The following RLF variants were observed in gnomAD, a reference collection of about 807,000 sequenced individuals.
RLF encodes zinc finger protein Rlf.
In RLF, 7 loss-of-function variants were observed where a neutral mutation model predicts 162.9. The observed-to-expected ratio is 0.04, with a 90% CI of 0.02 to 0.08. RLF has a LOEUF of 0.08. Ranked by LOEUF, RLF falls within the 10% of genes least tolerant of loss-of-function variation. RLF has a pLI of 1.00. For missense variants in RLF, 1,664 were observed against 2,244.7 expected (o/e 0.74, Z 5.23); for synonymous variants, 782 against 791.5 (o/e 0.99, Z 0.20).
intron 3 of RLF, among the ~76,000 whole-genome samples, chr1:40,193,921 C>T (rs747441106): frequency 6.6e-6 from 1 of 151,706 alleles, no homozygotes; most frequent in East Asian, 1.9e-4. Context: ...GAAATGTTGA[C>T]GTAAATGGAA....
intron 5 of RLF, among the ~76,000 whole-genome samples, chr1:40,215,013 A>G (rs942383121): frequency 4.6e-5 from 7 of 151,934 alleles, no homozygotes; most frequent in Non-Finnish European, 7.4e-5. Context: ...TAAAAAACCA[A>G]AATGAAATTC....
intron 6 of RLF, among the ~76,000 whole-genome samples, chr1:40,225,572 C>CT (rs1643058599): frequency 9.9e-6 from 1 of 101,182 alleles, no homozygotes; most frequent in Admixed American, 1.1e-4. Context: ...GAGCAAGACT[C>CT]TGTCTCAAAA....
At chr1:40,210,747 C>T (rs1052543457) in intron 5 of RLF, among the ~76,000 whole-genome samples, 1 of 152,148 alleles carries the variant, frequency 6.6e-6, no homozygotes. Flanking sequence ...ACAGAGATAC[C>T]TTCAAGAGGC....
intron 5 of RLF, among the ~76,000 whole-genome samples, chr1:40,208,145 AG>A (rs1642820722): frequency 6.6e-6 from 1 of 152,240 alleles, no homozygotes. Context: ...TGAATCTGAG[AG>A]GATTGTCTAG....
At chr1:40,225,082 G>A (rs116482880) in intron 6 of RLF, among the ~76,000 whole-genome samples, 1,670 of 152,198 alleles carry the variant, frequency 0.011, 17 homozygotes, top group Admixed American at 0.017. Context: ...TGGGACATAA[G>A]GAGTATTTGT....
chr1:40,189,709 C>T (rs950693758), intron 2 of RLF, among the ~76,000 whole-genome samples: 1 of 151,800 alleles, frequency 6.6e-6, no homozygotes, highest in Admixed American at 6.6e-5. Flanking sequence ...GGCTGAGGCA[C>T]GAGAATCGCT....
intron 1 of RLF, among the ~76,000 whole-genome samples, chr1:40,172,038 G>A (rs572893258): frequency 1.2e-4 from 19 of 152,084 alleles, no homozygotes; most frequent in South Asian, 6.2e-4. Flanking sequence ...TTTTCACGTA[G>A]AATATGTGTA....
At chr1:40,232,081 G>T (rs1443388797) in intron 7 of RLF, among the ~76,000 whole-genome samples, 3 of 152,066 alleles carry the variant, frequency 2.0e-5, no homozygotes, top group African/African-American at 7.2e-5. Context: ...GGTGGCGGGC[G>T]CCTGTAATCC....
In RLF at chr1:40,236,068, T is replaced by C; in HGVS notation, c.1366T>C (p.Leu456=). ...PVPNSLRCEL[L]LALKAHWPFD... ...TCCAAATTCTCTTCGATGTGAGCTCTTACTAGCTTTAAAAGCCCACTGGCC... is the reference window on the plus strand; with the variant it reads ...TCCAAATTCTCTTCGATGTGAGCTCCTACTAGCTTTAAAAGCCCACTGGCC... Residue 456 remains leucine, a synonymous_variant, in exon 8 of 8, where the codon TTA becomes CTA. Coordinates refer to ENST00000372771, the MANE Select transcript of RLF (RefSeq NM_012421.4). The surrounding 1 kb of genome is among the most constrained non-coding windows in gnomAD (Gnocchi z 7.7). 6.2e-7 allele frequency: 1 copy of C among 1,614,048 alleles called. No homozygotes were observed. The highest frequency in any genetic ancestry group is 8.5e-7 in the Non-Finnish European group (1 of 1,179,942).
At position 40,218,859 on chromosome 1, in the gene RLF, T is replaced by TA. The variant is rs552214426; in HGVS notation, c.811-3714dup. On this transcript the variant is annotated intron_variant, in intron 5 of 7. Transcript: ENST00000372771. ...AACAGACTTTTGCCCTCAGGGAACT[T>TA]ACATTTTAGTGGTAAAATAGTAAAC... Among the ~76,000 whole-genome samples the TA allele has an allele frequency of 3.3e-3, 505 of 152,362 alleles. 7 individuals are homozygous for TA. The highest frequency in any genetic ancestry group is 0.024 in the South Asian group (117 of 4,828).
At chr1:40,213,768 A>G (rs1219060102) in intron 5 of RLF, among the ~76,000 whole-genome samples, 2 of 152,262 alleles carry the variant, frequency 1.3e-5, no homozygotes, top group African/African-American at 2.4e-5. Flanking sequence ...AATTGTTTTC[A>G]GTATACCTCA....
chr1:40,178,215 T>C (rs955331329), intron 1 of RLF, among the ~76,000 whole-genome samples: 1 of 152,190 alleles, frequency 6.6e-6, no homozygotes, highest in East Asian at 1.9e-4. Context: ...TTGCACCTTA[T>C]TGAAAATTAG....
chr1:40,236,159 A>T lies in RLF; in HGVS notation c.1457A>T (p.Glu486Val). Residue 486 changes from glutamate (E) to valine (V), a missense_variant, in exon 8 of 8, where the codon GAA becomes GTA. By Grantham distance (121) the Glu-to-Val change is moderately radical. Transcript: ENST00000372771. The surrounding 1 kb of genome is among the most constrained non-coding windows in gnomAD (Gnocchi z 7.7). ...CACTGCCACCAACTTTTAGGACAAG[A>T]AGCCTCAGATTCTGATGATGATTTA... ...KRHCHQLLGQ[E>V]ASDSDDDLSG... 1 of 1,613,870 alleles carries T rather than the reference A, an allele frequency of 6.2e-7. No individual in the cohort carries two copies. The highest frequency in any genetic ancestry group is 1.1e-5 in the South Asian group (1 of 90,960).
intron 1 of RLF, among the ~76,000 whole-genome samples, chr1:40,181,486 A>T (rs1484035502): frequency 1.3e-5 from 2 of 152,194 alleles, no homozygotes; most frequent in Non-Finnish European, 2.9e-5. Flanking sequence ...TGGTCTTGGC[A>T]TCCTAGGTGA....
intron 5 of RLF, among the ~76,000 whole-genome samples, chr1:40,222,222 C>T (rs1225016265): frequency 6.6e-6 from 1 of 151,544 alleles, no homozygotes; most frequent in East Asian, 1.9e-4. Flanking sequence ...GTCATAGATA[C>T]TAGGGGAAGA....
chr1:40,163,022 G>A (rs1466952775), intron 1 of RLF, among the ~76,000 whole-genome samples: 1 of 152,186 alleles, frequency 6.6e-6, no homozygotes, highest in Non-Finnish European at 1.5e-5. Flanking sequence ...TATTTCCAGT[G>A]CGGTTTTGGT....
chr1:40,197,869 T>C (rs939187626), intron 4 of RLF, among the ~76,000 whole-genome samples: 8 of 152,330 alleles, frequency 5.3e-5, no homozygotes, highest in African/African-American at 1.9e-4. Context: ...AGGCCAGATA[T>C]TTAACATATT....
At chr1:40,186,715 C>T (rs913331404) in intron 1 of RLF, among the ~76,000 whole-genome samples, 1 of 152,178 alleles carries the variant, frequency 6.6e-6, no homozygotes, top group East Asian at 1.9e-4. Context: ...TGTCTGCCCG[C>T]CCCCACTGCA....
At chr1:40,207,862 C>T (rs1642817222) in intron 5 of RLF, among the ~76,000 whole-genome samples, 2 of 152,210 alleles carry the variant, frequency 1.3e-5, no homozygotes, top group Non-Finnish European at 2.9e-5. Context: ...CTGCCTGACT[C>T]AGCCTCCCAA....
Sources: gnomAD v4.1 joint callset for allele counts (sites outside exome capture counted in the v4.1 genomes callset) on GRCh38, gnomAD v4.1.1 for gene constraint, Gnocchi (gnomAD v3.1) non-coding constraint, MANE v1.5 for transcripts, NCBI Gene and HGNC (gene_info 2026-07-23, HGNC 2026-07-21) for gene names.